The following MDGA2 variants were observed in gnomAD, a reference collection of about 807,000 sequenced individuals.
The protein encoded by MDGA2 is MAM domain containing glycosylphosphatidylinositol anchor 2.
MDGA2 carries 40 observed loss-of-function variants against 117.8 expected under a neutral mutation model. That is an observed-to-expected ratio of 0.34 (90% CI 0.26 to 0.44). MDGA2 has a LOEUF of 0.44. MDGA2 is among the 20% of genes least tolerant of loss of function. The pLI is 1.00. For missense variants in MDGA2, 1,123 were observed against 1,250.6 expected (o/e 0.90, Z 1.54); for synonymous variants, 452 against 439.0 (o/e 1.03, Z -0.37).
intron 8 of MDGA2, among the ~76,000 whole-genome samples, chr14:46,984,038 C>T (rs1211647145): frequency 6.6e-6 from 1 of 151,924 alleles, no homozygotes; most frequent in African/African-American, 2.4e-5. Flanking sequence ...AGTTATATTA[C>T]TTGAATAAAG....
intron 8 of MDGA2, among the ~76,000 whole-genome samples, chr14:47,031,418 CT>C (rs1275849778): frequency 6.6e-6 from 1 of 152,040 alleles, no homozygotes; most frequent in Non-Finnish European, 1.5e-5. Flanking sequence ...TTATTGCCAC[CT>C]CTTTTACATT....
At chr14:47,618,864 A>C in intron 1 of MDGA2, among the ~76,000 whole-genome samples, 1 of 152,172 alleles carries the variant, frequency 6.6e-6, no homozygotes, top group Middle Eastern at 3.4e-3. Flanking sequence ...GAGTTTTCCA[A>C]ATTTTCTCTT....
At chr14:46,878,773 T>C (rs760854295) in intron 11 of MDGA2, among the ~76,000 whole-genome samples, 2 of 151,404 alleles carry the variant, frequency 1.3e-5, no homozygotes, top group Non-Finnish European at 3.0e-5. Context: ...TATTTCATAG[T>C]TAATATGAAA....
chr14:47,295,069 T>A (rs917785151), intron 2 of MDGA2, among the ~76,000 whole-genome samples: 1 of 152,232 alleles, frequency 6.6e-6, no homozygotes, highest in Non-Finnish European at 1.5e-5. Flanking sequence ...ACAATTTTAA[T>A]GCTTCCTAGT....
chr14:47,287,110 C>A (rs1052733711), intron 2 of MDGA2, among the ~76,000 whole-genome samples: 1 of 151,882 alleles, frequency 6.6e-6, no homozygotes, highest in Non-Finnish European at 1.5e-5. Flanking sequence ...AATAAATTAA[C>A]TAAATTCACA....
chr14:47,117,676 T>C (rs1422800600), intron 5 of MDGA2, among the ~76,000 whole-genome samples: 4 of 152,252 alleles, frequency 2.6e-5, no homozygotes, highest in Middle Eastern at 3.4e-3. Context: ...ATTGCATTTA[T>C]ATAAGGTACC....
At chr14:47,057,181 G>A (rs920531008) in intron 7 of MDGA2, among the ~76,000 whole-genome samples, 1 of 151,990 alleles carries the variant, frequency 6.6e-6, no homozygotes, top group Non-Finnish European at 1.5e-5. Context: ...TCCTTCCACT[G>A]TCACTAGCGC....
intron 1 of MDGA2, among the ~76,000 whole-genome samples, chr14:47,627,440 C>G (rs1355730114): frequency 6.6e-6 from 1 of 152,094 alleles, no homozygotes; most frequent in African/African-American, 2.4e-5. Context: ...CACTCTGCAT[C>G]TAGCTCAAGG....
At chr14:46,969,777 C>A (rs942801776) in intron 8 of MDGA2, among the ~76,000 whole-genome samples, 3 of 151,400 alleles carry the variant, frequency 2.0e-5, no homozygotes, top group Non-Finnish European at 4.4e-5. Context: ...CACACCGGGG[C>A]CCGTTGTGGG....
intron 3 of MDGA2, among the ~76,000 whole-genome samples, chr14:47,174,938 T>C (rs945334509): frequency 2.0e-5 from 3 of 151,822 alleles, no homozygotes; most frequent in Non-Finnish European, 4.4e-5. Flanking sequence ...AAGAATCAAA[T>C]AGATGCAATA....
At chr14:47,199,636 T>C (rs1300094018) in intron 3 of MDGA2, among the ~76,000 whole-genome samples, 5 of 152,128 alleles carry the variant, frequency 3.3e-5, no homozygotes, top group Non-Finnish European at 7.4e-5. Flanking sequence ...ATTGATATCA[T>C]ACTCAAAGAA....
intron 3 of MDGA2, among the ~76,000 whole-genome samples, chr14:47,178,066 T>A (rs1306847288): frequency 6.6e-6 from 1 of 152,104 alleles, no homozygotes; most frequent in Non-Finnish European, 1.5e-5. Context: ...TTACTTAATA[T>A]ACACATTGAG....
At chr14:47,595,892 G>A (rs1483617140) in intron 1 of MDGA2, among the ~76,000 whole-genome samples, 3 of 152,098 alleles carry the variant, frequency 2.0e-5, no homozygotes, top group African/African-American at 7.2e-5. Context: ...TTTTCTATGG[G>A]AACAAATCTG....
At chr14:47,568,521 T>A (rs1895959841) in intron 1 of MDGA2, among the ~76,000 whole-genome samples, 1 of 152,190 alleles carries the variant, frequency 6.6e-6, no homozygotes, top group Admixed American at 6.5e-5. Flanking sequence ...GAAGGTGGCA[T>A]GGATGATTTA....
intron 3 of MDGA2, among the ~76,000 whole-genome samples, chr14:47,188,764 A>T (rs1398950278): frequency 6.6e-6 from 1 of 152,190 alleles, no homozygotes; most frequent in Admixed American, 6.5e-5. Flanking sequence ...ATATTCAAAA[A>T]GATGATTGGA....
At chr14:47,097,370 T>C (rs1215263855) in intron 5 of MDGA2, among the ~76,000 whole-genome samples, 2 of 152,180 alleles carry the variant, frequency 1.3e-5, no homozygotes, top group Admixed American at 1.3e-4. Context: ...TTATGTTTCC[T>C]GGATTATTGT....
intron 1 of MDGA2, among the ~76,000 whole-genome samples, chr14:47,325,153 G>T (rs1890106610): frequency 6.6e-6 from 1 of 152,076 alleles, no homozygotes; most frequent in Non-Finnish European, 1.5e-5. Flanking sequence ...ATGAAAAGTG[G>T]TATATTCTGA....
chr14:46,903,900 T>C (rs1485059151), intron 10 of MDGA2, among the ~76,000 whole-genome samples: 1 of 152,234 alleles, frequency 6.6e-6, no homozygotes, highest in African/African-American at 2.4e-5. Context: ...GTATTCATGC[T>C]TTCTGTATGT....
intron 1 of MDGA2, among the ~76,000 whole-genome samples, chr14:47,465,241 C>T (rs1417628095): frequency 6.6e-6 from 1 of 152,050 alleles, no homozygotes; most frequent in African/African-American, 2.4e-5. Flanking sequence ...GGCAGATAAC[C>T]TAGGCAATAC....
Sources: allele counts gnomAD v4.1 joint callset (sites outside exome capture counted in the v4.1 genomes callset), GRCh38; gene constraint gnomAD v4.1.1; transcripts MANE v1.5; gene names NCBI Gene and HGNC (gene_info 2026-07-23, HGNC 2026-07-21).